The following DSCAML1 variants were observed in gnomAD, a reference collection of about 807,000 sequenced individuals.
DSCAML1 encodes DS cell adhesion molecule like 1, also known as cell adhesion molecule DSCAML1.
In DSCAML1, 38 loss-of-function variants were observed where a neutral mutation model predicts 200.5. The observed-to-expected ratio is 0.19, with a 90% CI of 0.15 to 0.25. The LOEUF (loss-of-function observed/expected upper bound fraction) is 0.25. Among genes scored for constraint, DSCAML1 ranks in the 10% least tolerant of loss-of-function variants. The pLI, the probability that DSCAML1 is intolerant of heterozygous loss-of-function variation, is 1.00. For synonymous variants in DSCAML1, 1,215 were observed against 1,165.0 expected (o/e 1.04, Z -0.87); for missense variants, 2,223 against 2,858.8 (o/e 0.78, Z 5.07).
intron 3 of DSCAML1, among the ~76,000 whole-genome samples, chr11:117,764,420 G>C (rs906476452): frequency 6.6e-6 from 1 of 152,180 alleles, no homozygotes; most frequent in Non-Finnish European, 1.5e-5. Flanking sequence ...TGGTGCGTGG[G>C]AAGAGGAATT....
chr11:117,735,420 G>C (rs2054299216), intron 3 of DSCAML1, among the ~76,000 whole-genome samples: 1 of 152,164 alleles, frequency 6.6e-6, no homozygotes, highest in African/African-American at 2.4e-5. Flanking sequence ...ATGCAGCATT[G>C]GCTCAAGGTC....
At chr11:117,510,540 C>G (rs376253400) in intron 8 of DSCAML1, among the ~76,000 whole-genome samples, 1 of 152,102 alleles carries the variant, frequency 6.6e-6, no homozygotes, top group Non-Finnish European at 1.5e-5. Flanking sequence ...CATCCCAGAT[C>G]GCCTTATTTG....
At chr11:117,584,181 G>A (rs779685828) in intron 3 of DSCAML1, among the ~76,000 whole-genome samples, 1 of 152,110 alleles carries the variant, frequency 6.6e-6, no homozygotes, top group Non-Finnish European at 1.5e-5. Context: ...ACTCATGCTT[G>A]CCTCATCTCC....
At chr11:117,748,730 T>C (rs554309372) in intron 3 of DSCAML1, among the ~76,000 whole-genome samples, 67 of 152,238 alleles carry the variant, frequency 4.4e-4, no homozygotes, top group Non-Finnish European at 6.3e-4. Flanking sequence ...GCCTGGGTAC[T>C]GCATGCCCTA....
intron 3 of DSCAML1, among the ~76,000 whole-genome samples, chr11:117,689,278 C>T: frequency 6.6e-6 from 1 of 152,200 alleles, no homozygotes; most frequent in East Asian, 1.9e-4. Context: ...GTTTGCTTTA[C>T]CTTCTTTGTG....
intron 3 of DSCAML1, among the ~76,000 whole-genome samples, chr11:117,771,737 A>G (rs1230809561): frequency 3.3e-5 from 5 of 152,182 alleles, no homozygotes; most frequent in East Asian, 1.9e-4. Context: ...CAACATCCTC[A>G]TTTATAAAAT....
At chr11:117,628,396 T>A (rs1221895310) in intron 3 of DSCAML1, among the ~76,000 whole-genome samples, 1 of 152,190 alleles carries the variant, frequency 6.6e-6, no homozygotes, top group Non-Finnish European at 1.5e-5. Flanking sequence ...CACAGGCCAC[T>A]CTACCTTCCC....
At chr11:117,532,729 C>CTGGCTTTTCTACTTATGGGCTGTG in intron 3 of DSCAML1, among the ~76,000 whole-genome samples, 1 of 152,284 alleles carries the variant, frequency 6.6e-6, no homozygotes, top group Admixed American at 6.5e-5. Context: ...GGGTCCCGAT[C>CTGGCTTTTCTACTTATGGGCTGTG]TGGCTTTTCT....
intron 3 of DSCAML1, among the ~76,000 whole-genome samples, chr11:117,700,435 G>T (rs538901279): frequency 1.3e-5 from 2 of 152,122 alleles, no homozygotes; most frequent in African/African-American, 4.8e-5. Flanking sequence ...CCTGGGAAAC[G>T]GCCTTTGCTC....
chr11:117,474,962 A>G (rs546404549), intron 14 of DSCAML1, among the ~76,000 whole-genome samples: 1 of 151,964 alleles, frequency 6.6e-6, no homozygotes, highest in Non-Finnish European at 1.5e-5. Context: ...TCACCGTGTT[A>G]GCCAGGATGG....
chr11:117,683,815 T>A (rs2053353011), intron 3 of DSCAML1, among the ~76,000 whole-genome samples: 1 of 152,190 alleles, frequency 6.6e-6, no homozygotes, highest in Admixed American at 6.5e-5. Flanking sequence ...AACTCCTGGC[T>A]CATAGGCAGT....
At chr11:117,667,034 C>A (rs913116599) in intron 3 of DSCAML1, among the ~76,000 whole-genome samples, 2 of 152,184 alleles carry the variant, frequency 1.3e-5, no homozygotes, top group Admixed American at 6.5e-5. Flanking sequence ...TGGACAGCAG[C>A]TGGGGGGTCC....
intron 3 of DSCAML1, among the ~76,000 whole-genome samples, chr11:117,716,174 G>A (rs900518765): frequency 3.3e-5 from 5 of 152,250 alleles, no homozygotes; most frequent in Admixed American, 6.5e-5. Flanking sequence ...CCAACAGCCC[G>A]GAGCGAGGAG....
intron 3 of DSCAML1, among the ~76,000 whole-genome samples, chr11:117,756,227 G>T (rs1189032999): frequency 1.3e-5 from 2 of 152,344 alleles, no homozygotes; most frequent in African/African-American, 4.8e-5. Flanking sequence ...AACATGGCAG[G>T]TGCCCAGTGG....
chr11:117,505,364 C>T lies in DSCAML1; in HGVS notation c.2062+90G>A, dbSNP rs1045344190. 6.6e-7 allele frequency: 1 copy of T among 1,517,606 alleles called. No homozygotes were observed. The highest frequency in any genetic ancestry group is 8.9e-7 in the Non-Finnish European group (1 of 1,128,164). The allele number at this position is 1,517,606 out of a possible 1,614,324, so 94.0% of individuals were successfully genotyped here. A position where few individuals can be genotyped will look rare whatever the true frequency, so the allele number is the denominator to read the frequency against. ...GATGCTGGAGCCCACCTTCCATGAG[C>T]CCGTGATTGGAACTGGAAATCTAGA... On this transcript the variant is annotated intron_variant, in intron 9 of 32. Coordinates refer to ENST00000651296, the MANE Select transcript of DSCAML1 (RefSeq NM_020693.4). The surrounding 1 kb of genome is among the most constrained non-coding windows in gnomAD (Gnocchi z 6.7).
At chr11:117,717,560 G>A (rs755561011) in intron 3 of DSCAML1, among the ~76,000 whole-genome samples, 5 of 152,366 alleles carry the variant, frequency 3.3e-5, no homozygotes, top group African/African-American at 4.8e-5. Context: ...CGATCAACCA[G>A]CAGTGGCTGT....
At chr11:117,495,037 A>G (rs1224509508) in intron 11 of DSCAML1, among the ~76,000 whole-genome samples, 1 of 152,230 alleles carries the variant, frequency 6.6e-6, no homozygotes, top group Non-Finnish European at 1.5e-5. Flanking sequence ...GACAGCAGCC[A>G]CTGGAAACTA....
intron 3 of DSCAML1, among the ~76,000 whole-genome samples, chr11:117,591,799 G>GC (rs138447749): frequency 0.014 from 2,070 of 152,294 alleles, 21 homozygotes; most frequent in East Asian, 0.05. Context: ...ACTTGCCAGG[G>GC]ATGCAGCTTC....
At chr11:117,798,499 A>C (rs1191926475), upstream of DSCAML1, among the ~76,000 whole-genome samples, 1 of 152,196 alleles carries the variant, frequency 6.6e-6, no homozygotes, top group Non-Finnish European at 1.5e-5. Flanking sequence ...TTTGAAGTGT[A>C]CTATTCTGTG....
Sources: gnomAD v4.1 joint callset for allele counts (sites outside exome capture counted in the v4.1 genomes callset) on GRCh38, gnomAD v4.1.1 for gene constraint, Gnocchi (gnomAD v3.1) non-coding constraint, MANE v1.5 for transcripts, NCBI Gene and HGNC (gene_info 2026-07-23, HGNC 2026-07-21) for gene names.